The following TMEM132D variants were observed in gnomAD, a reference collection of about 807,000 sequenced individuals.
TMEM132D encodes transmembrane protein 132D, also known as mature OL transmembrane protein.
Under a neutral mutation model 62.3 loss-of-function variants are expected in TMEM132D, and 21 were observed. That is an observed-to-expected ratio of 0.34 (90% CI 0.24 to 0.49). The LOEUF is 0.49. TMEM132D is among the 20% of genes least tolerant of loss of function. TMEM132D has a pLI of 0.99. For missense variants in TMEM132D, 1,346 were observed against 1,402.8 expected (o/e 0.96, Z 0.65); for synonymous variants, 621 against 575.6 (o/e 1.08, Z -1.13).
intron 4 of TMEM132D, among the ~76,000 whole-genome samples, chr12:129,285,790 CAT>C (rs1489685772): frequency 6.6e-6 from 1 of 152,006 alleles, no homozygotes; most frequent in East Asian, 1.9e-4. Flanking sequence ...CACTGTAAAA[CAT>C]GTAATTTCAA....
chr12:129,488,699 C>A (rs1874663134), intron 3 of TMEM132D, among the ~76,000 whole-genome samples: 2 of 152,100 alleles, frequency 1.3e-5, no homozygotes, highest in Non-Finnish European at 2.9e-5. Context: ...AAAACAAAAA[C>A]CAGGTATGTT....
chr12:129,177,044 T>C (rs543907377), intron 5 of TMEM132D, among the ~76,000 whole-genome samples: 7 of 152,252 alleles, frequency 4.6e-5, no homozygotes, highest in Non-Finnish European at 8.8e-5. Flanking sequence ...AAATTCCTTA[T>C]GGATGGAGGC....
chr12:129,737,494 T>C (rs940951458), intron 1 of TMEM132D, among the ~76,000 whole-genome samples: 2 of 152,226 alleles, frequency 1.3e-5, no homozygotes, highest in Non-Finnish European at 2.9e-5. Context: ...CTGTATAAAT[T>C]GGCTAGACAC....
intron 2 of TMEM132D, among the ~76,000 whole-genome samples, chr12:129,687,333 C>A (rs987531244): frequency 6.6e-6 from 1 of 152,156 alleles, no homozygotes. Flanking sequence ...ATTTCCTAAT[C>A]TCTACCATAG....
chr12:129,170,004 G>A (rs779468288), intron 5 of TMEM132D: 4 of 152,162 alleles, frequency 2.6e-5, no homozygotes, highest in Admixed American at 6.5e-5. Context: ...CAATCCTCAC[G>A]CTTGCTGTGG....
chr12:129,769,924 C>T (rs999007374), intron 1 of TMEM132D, among the ~76,000 whole-genome samples: 3 of 152,082 alleles, frequency 2.0e-5, no homozygotes, highest in Non-Finnish European at 4.4e-5. Flanking sequence ...TGCTGTGTCG[C>T]TGAGGCTAGG....
rs374118108 is a variant in TMEM132D, at chr12:129,388,005, G to A, written c.1116-50188C>T. On this transcript the variant is annotated intron_variant, in intron 3 of 8. Transcript: ENST00000422113. The stretch of plus-strand genomic sequence containing the variant: ...GAATCCTAATATAAACACTAACACC[G>A]ACATCAATACTAACACCAACACCAA... 3.3e-3 allele frequency among the ~76,000 whole-genome samples: 111 copies of A among 33,760 alleles called. 1 individual carries two copies. Among genetic ancestry groups the A allele is most frequent in the African/African-American group, 9.1e-3 (57 of 6,260 alleles). The allele number at this position is 33,760 out of a possible 152,430, so 22.1% of individuals were successfully genotyped here.
intron 4 of TMEM132D, among the ~76,000 whole-genome samples, chr12:129,319,052 G>A (rs1037411719): frequency 2.0e-5 from 3 of 152,174 alleles, no homozygotes; most frequent in Non-Finnish European, 2.9e-5. Flanking sequence ...TTCCAGCTGC[G>A]GAAAAAAAGG....
rs200646338 is a variant in TMEM132D, at chr12:129,700,090, C to T, written c.688G>A (p.Val230Met). The T allele has an allele frequency of 4.3e-5, 70 of 1,613,640 alleles. 1 individual carries two copies. In the East Asian group the frequency reaches 1.3e-3, roughly 31 times the overall value. Residue 230 changes from valine (V) to methionine (M), a missense_variant, in exon 2 of 9, where the codon GTG becomes ATG. Coordinates refer to ENST00000422113, the MANE Select transcript of TMEM132D (RefSeq NM_133448.3). ...EGTPVELYYTVHPGGERGDCV... is the reference protein window; with the variant it reads ...EGTPVELYYTMHPGGERGDCV... ...TCCCCTCTCTCACCCCCTGGGTGCACGGTGTAGTAGAGCTCCACGGGGGTC... is the reference window on the plus strand; with the variant it reads ...TCCCCTCTCTCACCCCCTGGGTGCATGGTGTAGTAGAGCTCCACGGGGGTC...
At chr12:129,758,936 C>CTTTTT (rs570116732) in intron 1 of TMEM132D, among the ~76,000 whole-genome samples, 1 of 138,266 alleles carries the variant, frequency 7.2e-6, no homozygotes, top group African/African-American at 2.6e-5. Context: ...TTCTTTCTTT[C>CTTTTT]TTTTTTTTTT....
At chr12:129,500,007 C>T (rs1875081970) in intron 3 of TMEM132D, among the ~76,000 whole-genome samples, 1 of 136,130 alleles carries the variant, frequency 7.3e-6, no homozygotes, top group Non-Finnish European at 1.6e-5. Flanking sequence ...CCAACAAATA[C>T]CCCTGAGTGG....
At chr12:129,360,756 T>C (rs948059853) in intron 3 of TMEM132D, among the ~76,000 whole-genome samples, 1 of 152,168 alleles carries the variant, frequency 6.6e-6, no homozygotes, top group Non-Finnish European at 1.5e-5. Flanking sequence ...CAAACAGGGA[T>C]GAGGTCAACA....
At chr12:129,488,709 T>C (rs529348035) in intron 3 of TMEM132D, among the ~76,000 whole-genome samples, 1 of 152,122 alleles carries the variant, frequency 6.6e-6, no homozygotes, top group East Asian at 1.9e-4. Context: ...CCAGGTATGT[T>C]TGGTATTCAG....
intron 3 of TMEM132D, among the ~76,000 whole-genome samples, chr12:129,454,693 T>C (rs987626300): frequency 6.6e-6 from 1 of 152,240 alleles, no homozygotes; most frequent in Non-Finnish European, 1.5e-5. Context: ...TTTTAGCTGT[T>C]GCAGGAACCA....
chr12:129,719,202 T>C (rs1449111384), intron 1 of TMEM132D, among the ~76,000 whole-genome samples: 1 of 151,740 alleles, frequency 6.6e-6, no homozygotes, highest in East Asian at 1.9e-4. Flanking sequence ...GAGGCTGCAG[T>C]GAGCCGAGAT....
chr12:129,263,212 C>T lies in TMEM132D; in HGVS notation c.1300-53549G>A, dbSNP rs1012956326. Among the ~76,000 whole-genome samples the T allele has an allele frequency of 7.2e-5, 11 of 152,054 alleles. 1 individual carries two copies. The highest frequency in any genetic ancestry group is 3.9e-4 in the Admixed American group (6 of 15,272). Reference sequence around the variant, plus strand: ...CACGGTGGGAAGTCTGCTTGCTGTTCCTAATCCTGCTGCATAACATTCTGC... The same window carrying T: ...CACGGTGGGAAGTCTGCTTGCTGTTTCTAATCCTGCTGCATAACATTCTGC... On this transcript the variant is annotated intron_variant, in intron 4 of 8. Transcript: ENST00000422113.
At chr12:129,724,525 TTTTG>T in intron 1 of TMEM132D, among the ~76,000 whole-genome samples, 1 of 152,218 alleles carries the variant, frequency 6.6e-6, no homozygotes, top group African/African-American at 2.4e-5. Flanking sequence ...TTGTTTCTGT[TTTTG>T]TTTTTGTTTT....
intron 3 of TMEM132D, among the ~76,000 whole-genome samples, chr12:129,490,628 T>G (rs12816503): frequency 2.4e-5 from 2 of 83,390 alleles, no homozygotes; most frequent in Admixed American, 1.3e-4. Flanking sequence ...TTTTTTTTTG[T>G]ATTTTTAGTA....
chr12:129,666,236 G>A (rs1299146590), intron 2 of TMEM132D, among the ~76,000 whole-genome samples: 1 of 152,132 alleles, frequency 6.6e-6, no homozygotes, highest in Non-Finnish European at 1.5e-5. Context: ...CCCTGAGCCA[G>A]TAACCAGATT....
Sources: gnomAD v4.1 joint callset for allele counts (sites outside exome capture counted in the v4.1 genomes callset) on GRCh38, gnomAD v4.1.1 for gene constraint, MANE v1.5 for transcripts, NCBI Gene and HGNC (gene_info 2026-07-23, HGNC 2026-07-21) for gene names.